DHX35: variants seen among roughly 807,000 people sequenced by gnomAD.
DHX35 encodes the protein probable ATP-dependent RNA helicase DHX35.
DHX35 carries 84 observed loss-of-function variants against 99.6 expected under a neutral mutation model. That is an observed-to-expected ratio of 0.84 (90% confidence interval 0.71 to 1.01). The LOEUF is 1.01. DHX35 is among the 50% of genes least tolerant of loss of function. The probability of loss-of-function intolerance (pLI) is 0.00; values close to 1 mark genes in which losing one functional copy is unlikely to be tolerated. For missense variants in DHX35, 852 were observed against 888.5 expected (o/e 0.96, Z 0.52); for synonymous variants, 331 against 316.2 (o/e 1.05, Z -0.50).
At chr20:39,025,191 ATC>A in intron 17 of DHX35, 37 bp from the exon 18 acceptor site, 1 of 1,588,736 alleles carries the variant, frequency 6.3e-7, no homozygotes, top group Non-Finnish European at 8.6e-7. Context: ...TCGAGAACAT[ATC>A]TGTTTTCTAA....
At chr20:38,991,357 C>T (rs754770125) in intron 5 of DHX35, 97 bp from the exon 6 acceptor site, 6 of 1,014,038 alleles carry the variant, frequency 5.9e-6, no homozygotes, top group Non-Finnish European at 8.6e-6. Context: ...TTTACTTGTA[C>T]ACATGCTGGC....
chr20:39,024,006 T>C (rs1193326991), intron 17 of DHX35, among the ~76,000 whole-genome samples: 1 of 152,220 alleles, frequency 6.6e-6, no homozygotes, highest in African/African-American at 2.4e-5. Context: ...CTTGGAGATA[T>C]GGTACACTAG....
chr20:39,039,690 C>T lies in DHX35; in HGVS notation c.*1147C>T, dbSNP rs2087214432. 6.6e-6 allele frequency: 1 copy of T among 152,072 alleles called. No individual in the cohort carries two copies. Among genetic ancestry groups the T allele is most frequent in the South Asian group, 2.1e-4 (1 of 4,822 alleles). The allele number at this position is 152,072 out of a possible 1,614,324, so 9.4% of individuals were successfully genotyped here. ...TGATAACTTGTTAATAATAGTAAACCTTTATACCTAAAGTAAATGTCTTCC... is the reference window on the plus strand; with the variant it reads ...TGATAACTTGTTAATAATAGTAAACTTTTATACCTAAAGTAAATGTCTTCC... On this transcript the variant is annotated 3_prime_UTR_variant, in exon 22 of 22. Transcript: ENST00000252011.
At chr20:38,978,247 A>G (rs2086113570) in intron 3 of DHX35, 2 of 811,062 alleles carry the variant, frequency 2.5e-6, no homozygotes, top group African/African-American at 1.7e-5. Flanking sequence ...TGCTTCAACA[A>G]TGTGCAATTC....
intron 9 of DHX35, 49 bp downstream of exon 9, chr20:39,001,891 T>C: frequency 2.1e-6 from 3 of 1,405,516 alleles, no homozygotes; most frequent in Non-Finnish European, 3.0e-6. Flanking sequence ...AAACTCAGCC[T>C]CTGATGTAGA....
chr20:38,978,462 G>A (rs1014935157), intron 3 of DHX35: 1 of 543,000 alleles, frequency 1.8e-6, no homozygotes, highest in Non-Finnish European at 3.4e-6. Flanking sequence ...GAAGGCGGAT[G>A]GAGATAAATG....
intron 3 of DHX35, among the ~76,000 whole-genome samples, chr20:38,976,548 T>C (rs1453568874): frequency 6.6e-6 from 1 of 152,304 alleles, no homozygotes; most frequent in East Asian, 1.9e-4. Flanking sequence ...TGATCAAATC[T>C]GGGTCATTAT....
Position 38,977,567 on chromosome 20 carries a change from C to G in DHX35, c.267+4916C>G, listed in dbSNP as rs192645221. On this transcript the variant is annotated intron_variant, in intron 3 of 21. Coordinates refer to ENST00000252011, the MANE Select transcript of DHX35 (RefSeq NM_021931.4). ...CATTCCATACATACCTAAAACCAAGCAAAGGGTGGAGTTCCATCTTTAAAA... is the reference window on the plus strand; with the variant it reads ...CATTCCATACATACCTAAAACCAAGGAAAGGGTGGAGTTCCATCTTTAAAA... 1.6e-3 allele frequency: 460 copies of G among 280,262 alleles called. 1 individual carries two copies. Among genetic ancestry groups the G allele is most frequent in the African/African-American group, 9.9e-3 (432 of 43,680 alleles). The allele number at this position is 280,262 out of a possible 1,614,324, so 17.4% of individuals were successfully genotyped here. A position where few individuals can be genotyped will look rare whatever the true frequency, so the allele number is the denominator to read the frequency against.
At position 39,016,023 on chromosome 20, in the gene DHX35, T is replaced by C. The variant is rs549344319; in HGVS notation, c.1402+1089T>C. Among the ~76,000 whole-genome samples the C allele has an allele frequency of 1.3e-4, 20 of 152,308 alleles. No individual in the cohort carries two copies. In the South Asian group the frequency reaches 4.1e-3, roughly 32 times the overall value. On this transcript the variant is annotated intron_variant, in intron 14 of 21. Coordinates refer to ENST00000252011, the MANE Select transcript of DHX35 (RefSeq NM_021931.4). Reference sequence around the variant, plus strand: ...TCTGTCTGCTGTTGCTATAACAGAATGCCAGAGGCTGGGTAATTTCTAAAG... The same window carrying C: ...TCTGTCTGCTGTTGCTATAACAGAACGCCAGAGGCTGGGTAATTTCTAAAG...
intron 2 of DHX35, among the ~76,000 whole-genome samples, chr20:38,971,994 G>GTTTTTTTTTTTT (rs1568714388): frequency 8.0e-5 from 9 of 112,058 alleles, no homozygotes; most frequent in Non-Finnish European, 1.7e-4. Context: ...TGTTTTTTTT[G>GTTTTTTTTTTTT]TTTTGTTTTG....
intron 19 of DHX35, 41 bp downstream of exon 19, chr20:39,028,540 T>C (rs2145942162): frequency 6.3e-7 from 1 of 1,598,998 alleles, no homozygotes; most frequent in Non-Finnish European, 8.6e-7. Context: ...AAAGGAACAA[T>C]CTTACAAATG....
Position 39,003,755 on chromosome 20 carries a change from G to A in DHX35, c.859G>A (p.Val287Ile). 1 of 1,612,768 alleles carries A rather than the reference G, an allele frequency of 6.2e-7. No homozygotes were observed. Among genetic ancestry groups the A allele is most frequent in the Non-Finnish European group, 8.5e-7 (1 of 1,178,972 alleles). Residue 287 changes from valine (V) to isoleucine (I), a missense_variant, in exon 11 of 22, where the codon GTA becomes ATA. Val to Ile is a conservative substitution (Grantham distance 29, BLOSUM62 3). Transcript: ENST00000252011. Reference sequence around the variant, plus strand: ...CCTGGTTCAACGTCTTTAGGAAGAGGTAGAAACTGTTGTGTCGATGCTCAT... The same window carrying A: ...CCTGGTTCAACGTCTTTAGGAAGAGATAGAAACTGTTGTGTCGATGCTCAT... Reference protein sequence around the residue: ...VLAFLTGQEEVETVVSMLIEQ... With the variant: ...VLAFLTGQEEIETVVSMLIEQ...
Position 39,010,272 on chromosome 20 carries a change from A to G in DHX35, c.1223-8A>G, listed in dbSNP as rs1600417589. On this transcript the variant is annotated splice_polypyrimidine_tract_variant and splice_region_variant and intron_variant, in intron 12 of 21. Coordinates refer to ENST00000252011, the MANE Select transcript of DHX35 (RefSeq NM_021931.4). ...TGGTCCCAAACAGTTCTGATTTCCT[A>G]TCCTCAGAGGAAGCCTTTGACAAGT... 6.2e-7 allele frequency: 1 copy of G among 1,614,052 alleles called. No individual in the cohort carries two copies. Among genetic ancestry groups the G allele is most frequent in the South Asian group, 1.1e-5 (1 of 91,080 alleles).
At chr20:38,995,882 G>T (rs1163022122) in intron 8 of DHX35, among the ~76,000 whole-genome samples, 1 of 152,174 alleles carries the variant, frequency 6.6e-6, no homozygotes, top group Non-Finnish European at 1.5e-5. Flanking sequence ...ACAGGGACAT[G>T]ACCATGAGTT....
chr20:39,030,877 T>G, intron 20 of DHX35, 102 bp downstream of exon 20: 1 of 1,350,588 alleles, frequency 7.4e-7, no homozygotes, highest in Non-Finnish European at 1.0e-6. Flanking sequence ...GAATTGCTGC[T>G]CTGGGCCGGG....
intron 20 of DHX35, among the ~76,000 whole-genome samples, chr20:39,031,248 C>T (rs538121484): frequency 5.3e-5 from 8 of 151,812 alleles, no homozygotes; most frequent in Non-Finnish European, 7.4e-5. Context: ...ACTCAGCAAA[C>T]GTTCATTTTC....
At chr20:39,028,060 A>T (rs886401513) in intron 18 of DHX35, among the ~76,000 whole-genome samples, 6 of 152,118 alleles carry the variant, frequency 3.9e-5, no homozygotes, top group African/African-American at 9.7e-5. Flanking sequence ...GCCATATGAC[A>T]CTCTTTTACA....
At chr20:39,011,492 C>A (rs972973524) in intron 13 of DHX35, among the ~76,000 whole-genome samples, 1 of 152,072 alleles carries the variant, frequency 6.6e-6, no homozygotes, top group Non-Finnish European at 1.5e-5. Context: ...TGTGCCACCA[C>A]GCCTGGCTAA....
intron 8 of DHX35, among the ~76,000 whole-genome samples, chr20:38,998,739 A>G (rs2086470030): frequency 6.6e-6 from 1 of 152,196 alleles, no homozygotes; most frequent in South Asian, 2.1e-4. Context: ...GTATTTCCAA[A>G]TAAAGATACA....
Sources: allele counts gnomAD v4.1 joint callset (sites outside exome capture counted in the v4.1 genomes callset), GRCh38; gene constraint gnomAD v4.1.1; transcripts MANE v1.5; gene names NCBI Gene and HGNC (gene_info 2026-07-23, HGNC 2026-07-21).